The following MINDY4B variants were observed in gnomAD, a reference collection of about 807,000 sequenced individuals.
MINDY4B encodes MINDY family member 4B.
In MINDY4B, 25 loss-of-function variants were observed where a neutral mutation model predicts 16.7. The ratio of observed to expected loss-of-function variants is 1.49; its 90% CI spans 1.09 to 2.09. MINDY4B has a LOEUF of 2.09. Ranked by LOEUF, MINDY4B falls within the 30% of genes most tolerant of loss-of-function variation. The pLI is 0.00. For missense variants in MINDY4B, 327 were observed against 168.4 expected (o/e 1.94, Z -5.21); for synonymous variants, 132 against 61.9 (o/e 2.13, Z -5.32).
intron 10 of MINDY4B, among the ~76,000 whole-genome samples, chr3:150,882,649 G>A (rs1411559315): frequency 6.6e-6 from 1 of 151,592 alleles, no homozygotes; most frequent in Non-Finnish European, 1.5e-5. Flanking sequence ...CTTTAAAAAT[G>A]TATGTATTAC....
chr3:150,872,321 C>A (rs1368450137), intron 11 of MINDY4B, among the ~76,000 whole-genome samples: 1 of 152,170 alleles, frequency 6.6e-6, no homozygotes, highest in East Asian at 1.9e-4. Context: ...GAATTAGGAG[C>A]TGCACAAATA....
At chr3:150,890,625 C>A in intron 6 of MINDY4B, 1 of 489,648 alleles carries the variant, frequency 2.0e-6, no homozygotes, top group Non-Finnish European at 3.6e-6. Context: ...AGCAGTAAAA[C>A]TAGAAAGAGA....
At chr3:150,872,889 G>A (rs955205341) in intron 11 of MINDY4B, among the ~76,000 whole-genome samples, 9 of 152,118 alleles carry the variant, frequency 5.9e-5, no homozygotes, top group East Asian at 1.9e-4. Flanking sequence ...CAAAGGCCCC[G>A]GAGAATGGTT....
chr3:150,883,850 A>C (rs966794147), intron 8 of MINDY4B, 78 bp from the exon 9 acceptor site: 7 of 690,334 alleles, frequency 1.0e-5, no homozygotes, highest in Admixed American at 8.3e-5. Flanking sequence ...CCCCCAAAAC[A>C]CAAAGCAGCA....
intron 5 of MINDY4B, among the ~76,000 whole-genome samples, chr3:150,891,345 G>A (rs1711799365): frequency 6.6e-6 from 1 of 152,152 alleles, no homozygotes; most frequent in African/African-American, 2.4e-5. Flanking sequence ...CCTTTACTCT[G>A]CTTATTTCCC....
chr3:150,883,638 T>C (rs1035725463), intron 9 of MINDY4B, 62 bp downstream of exon 9: 5 of 669,272 alleles, frequency 7.5e-6, no homozygotes, highest in Admixed American at 4.9e-5. Flanking sequence ...TTTTTCAAAC[T>C]CTGCATGTGG....
rs562814123 is a variant in MINDY4B at position 150,874,216 on chromosome 3, A to G, written c.1060-849T>C. Among the ~76,000 whole-genome samples, 82 of 152,078 alleles carry G rather than the reference A, an allele frequency of 5.4e-4. 1 individual carries two copies. Among genetic ancestry groups the G allele is most frequent in the African/African-American group, 1.9e-3 (79 of 41,482 alleles). Reference sequence around the variant, plus strand: ...TTTTTTGTAGAGACAGCGTCTTGCCATGTGGCCCAGGCTGGTCTCAAACTC... The same window carrying G: ...TTTTTTGTAGAGACAGCGTCTTGCCGTGTGGCCCAGGCTGGTCTCAAACTC... On this transcript the variant is annotated intron_variant, in intron 10 of 11. Coordinates refer to ENST00000465419, the MANE Select transcript of MINDY4B (RefSeq NM_001351281.2).
At chr3:150,884,540 G>A (rs530806965) in intron 8 of MINDY4B, among the ~76,000 whole-genome samples, 8 of 152,232 alleles carry the variant, frequency 5.3e-5, no homozygotes, top group South Asian at 2.1e-4. Flanking sequence ...TATCTTTAGC[G>A]TGGTACATGA....
intron 10 of MINDY4B, among the ~76,000 whole-genome samples, chr3:150,875,926 C>G (rs1307365720): frequency 6.6e-6 from 1 of 152,222 alleles, no homozygotes; most frequent in Non-Finnish European, 1.5e-5. Flanking sequence ...TTCTTCTTGG[C>G]ACACCATATA....
chr3:150,897,341 G>C (rs1393929035), intron 3 of MINDY4B, among the ~76,000 whole-genome samples: 1 of 151,434 alleles, frequency 6.6e-6, no homozygotes, highest in East Asian at 1.9e-4. Flanking sequence ...GTGTGTGTGT[G>C]TGTGTGTGTG....
At chr3:150,882,001 C>A (rs952483014) in intron 10 of MINDY4B, among the ~76,000 whole-genome samples, 3 of 152,158 alleles carry the variant, frequency 2.0e-5, no homozygotes, top group Non-Finnish European at 2.9e-5. Context: ...GAGGACAGGA[C>A]AGATGCTGAG....
intron 10 of MINDY4B, among the ~76,000 whole-genome samples, chr3:150,874,397 T>G (rs1218532298): frequency 6.6e-6 from 1 of 152,244 alleles, no homozygotes; most frequent in Admixed American, 6.5e-5. Flanking sequence ...GCAGTGGTCC[T>G]GCAAACTTCT....
Position 150,870,842 on chromosome 3 carries a change from G to A in MINDY4B, c.*203C>T, listed in dbSNP as rs1188216415. ...AGGCACCATGCAGGCCCTGGTGTGG[G>A]GGCCTGTGTTTCTCCTACAATGCTG... is the stretch of plus-strand genomic sequence containing the variant. On this transcript the variant is annotated 3_prime_UTR_variant, in exon 12 of 12. Coordinates refer to ENST00000465419, the MANE Select transcript of MINDY4B (RefSeq NM_001351281.2). 6.6e-6 allele frequency among the ~76,000 whole-genome samples: 1 copy of A among 152,174 alleles called. No homozygotes were observed. Among genetic ancestry groups the A allele is most frequent in the Non-Finnish European group, 1.5e-5 (1 of 68,028 alleles).
Position 150,888,628 on chromosome 3 carries a change from T to C in MINDY4B, c.753+1692A>G, listed in dbSNP as rs190396750. On this transcript the variant is annotated intron_variant, in intron 7 of 11. Coordinates refer to ENST00000465419, the MANE Select transcript of MINDY4B (RefSeq NM_001351281.2). Reference sequence around the variant, plus strand: ...CTCAGTGAGGTCCTTGAGAGGAATATATATACACCATCAAGCTCCCCTCAC... The same window carrying C: ...CTCAGTGAGGTCCTTGAGAGGAATACATATACACCATCAAGCTCCCCTCAC... Among the ~76,000 whole-genome samples the C allele has an allele frequency of 2.2e-3, 339 of 152,316 alleles. 1 individual carries two copies. Among genetic ancestry groups the C allele is most frequent in the Non-Finnish European group, 3.6e-3 (243 of 68,022 alleles).
At chr3:150,888,392 T>C (rs1421905483) in intron 7 of MINDY4B, among the ~76,000 whole-genome samples, 1 of 152,018 alleles carries the variant, frequency 6.6e-6, no homozygotes, top group Admixed American at 6.5e-5. Context: ...TATTCACAGG[T>C]ACCAGGGGAG....
chr3:150,871,234 T>A (rs1296637216), intron 11 of MINDY4B, 47 bp from the exon 12 acceptor site: 15 of 687,912 alleles, frequency 2.2e-5, no homozygotes, highest in Non-Finnish European at 3.7e-5. Flanking sequence ...ATGAACACCA[T>A]TCCAGAGGAA....
At chr3:150,901,821 A>C (rs1424149208) in intron 3 of MINDY4B, among the ~76,000 whole-genome samples, 1 of 152,090 alleles carries the variant, frequency 6.6e-6, no homozygotes, top group East Asian at 1.9e-4. Context: ...ATGCCCGGCC[A>C]AGGCAGATAG....
At chr3:150,883,857 A>T (rs1447502453) in intron 8 of MINDY4B, 85 bp from the exon 9 acceptor site, 8 of 687,730 alleles carry the variant, frequency 1.2e-5, no homozygotes, top group Admixed American at 8.3e-5. Flanking sequence ...AACACAAAGC[A>T]GCAGTAACAC....
intron 3 of MINDY4B, among the ~76,000 whole-genome samples, chr3:150,897,379 G>T: frequency 6.7e-6 from 1 of 150,074 alleles, no homozygotes; most frequent in Admixed American, 6.6e-5. Context: ...AGGCCAAGGG[G>T]TAGGAAGAAG....
Sources: allele counts gnomAD v4.1 joint callset (sites outside exome capture counted in the v4.1 genomes callset), GRCh38; gene constraint gnomAD v4.1.1; transcripts MANE v1.5; gene names NCBI Gene and HGNC (gene_info 2026-07-23, HGNC 2026-07-21).